The following EYS variants were observed in gnomAD, a reference collection of about 807,000 sequenced individuals.
EYS encodes the protein protein eyes shut homolog.
A neutral mutation model predicts 282.1 loss-of-function variants in EYS; 250 were observed. The ratio of observed to expected loss-of-function variants is 0.89; its 90% CI spans 0.80 to 0.98. The LOEUF is 0.98. Among genes scored for constraint, EYS ranks in the 50% least tolerant of loss-of-function variants. The pLI is 0.00. For synonymous variants in EYS, 1,355 were observed against 1,282.9 expected (o/e 1.06, Z -1.20); for missense variants, 4,016 against 3,709.0 (o/e 1.08, Z -2.15).
At chr6:64,027,348 C>A (rs1769573303) in intron 33 of EYS, among the ~76,000 whole-genome samples, 1 of 152,130 alleles carries the variant, frequency 6.6e-6, no homozygotes, top group Non-Finnish European at 1.5e-5. Flanking sequence ...AATATACTCC[C>A]CTGTCACCTG....
At chr6:64,720,349 C>T (rs535146423) in intron 22 of EYS, among the ~76,000 whole-genome samples, 7 of 152,260 alleles carry the variant, frequency 4.6e-5, no homozygotes, top group African/African-American at 7.2e-5. Context: ...CCAGATTATC[C>T]AGGACAATCT....
chr6:64,735,253 T>G (rs866437696), intron 22 of EYS, among the ~76,000 whole-genome samples: 26 of 152,138 alleles, frequency 1.7e-4, no homozygotes, highest in African/African-American at 6.3e-4. Context: ...CTGGCTAGTT[T>G]TTCGTATTTT....
chr6:65,375,249 G>T (rs1452764684), intron 8 of EYS, among the ~76,000 whole-genome samples: 1 of 152,166 alleles, frequency 6.6e-6, no homozygotes, highest in Non-Finnish European at 1.5e-5. Flanking sequence ...AACAGGGTCT[G>T]CAGTGGACCT....
intron 33 of EYS, among the ~76,000 whole-genome samples, chr6:64,057,816 A>G (rs1046453119): frequency 5.9e-5 from 9 of 152,138 alleles, no homozygotes; most frequent in Non-Finnish European, 1.0e-4. Context: ...AAGTTCAAAG[A>G]CAGCTAATTT....
intron 11 of EYS, among the ~76,000 whole-genome samples, chr6:65,328,029 T>A (rs1161554196): frequency 6.6e-6 from 1 of 151,492 alleles, no homozygotes; most frequent in African/African-American, 2.4e-5. Flanking sequence ...GACATGAAAT[T>A]CAGATCTAGG....
intron 2 of EYS, among the ~76,000 whole-genome samples, chr6:65,526,226 A>T (rs2127302577): frequency 6.6e-6 from 1 of 152,262 alleles, no homozygotes; most frequent in Non-Finnish European, 1.5e-5. Context: ...ATGGCATCAA[A>T]TCTGATTCCC....
intron 16 of EYS, among the ~76,000 whole-genome samples, chr6:64,907,307 C>T (rs891211083): frequency 6.6e-6 from 1 of 152,126 alleles, no homozygotes. Flanking sequence ...GCCTTAGTCT[C>T]CCAAAGTGCT....
Position 64,590,235 on chromosome 6 carries a change from G to A in EYS, c.5632C>T (p.Leu1878=), listed in dbSNP as rs2149830894. Residue 1878 remains leucine (L), a synonymous_variant, in exon 26 of 43, where the codon CTG becomes TTG. Coordinates refer to ENST00000503581, the MANE Select transcript of EYS (RefSeq NM_001142800.2). ...CTGAGAAACTCACCAGAAATCATCA[G>A]CCGTTGAGGTGCCAGAATGGATTCC... ...SLESILAPQR[L]MISDFSCVRY... 2 of 1,542,780 alleles carry A rather than the reference G, an allele frequency of 1.3e-6. No individual in the cohort carries two copies. The highest frequency in any genetic ancestry group is 1.2e-5 in the South Asian group (1 of 82,868).
At chr6:64,207,237 A>G (rs1028146341) in intron 31 of EYS, among the ~76,000 whole-genome samples, 7 of 148,774 alleles carry the variant, frequency 4.7e-5, no homozygotes, top group African/African-American at 1.5e-4. Flanking sequence ...CTGATAATTA[A>G]CCCACTCCCA....
chr6:64,324,277 A>T (rs1456412390), intron 29 of EYS, among the ~76,000 whole-genome samples: 5 of 152,218 alleles, frequency 3.3e-5, no homozygotes, highest in African/African-American at 1.2e-4. Flanking sequence ...CAAAAAGTTA[A>T]TTCACCATGA....
intron 19 of EYS, among the ~76,000 whole-genome samples, chr6:64,838,441 T>C (rs1393591915): frequency 1.3e-5 from 2 of 151,944 alleles, no homozygotes; most frequent in Non-Finnish European, 2.9e-5. Context: ...TTCTTTTGCC[T>C]AGGGATGCTG....
chr6:64,843,112 A>G (rs2022175), intron 19 of EYS, among the ~76,000 whole-genome samples: 124,678 of 152,088 alleles, frequency 0.82, 51,115 homozygotes, highest in East Asian at 0.87. Flanking sequence ...GGGACTTGGT[A>G]CCCTCTGTTC....
At chr6:63,958,865 C>A (rs1765934184) in intron 35 of EYS, among the ~76,000 whole-genome samples, 1 of 152,182 alleles carries the variant, frequency 6.6e-6, no homozygotes, top group African/African-American at 2.4e-5. Context: ...TTGAGATCTA[C>A]TGCTCAGAAA....
chr6:65,394,203 T>C (rs1435343635), intron 7 of EYS, among the ~76,000 whole-genome samples: 1 of 151,930 alleles, frequency 6.6e-6, no homozygotes, highest in Non-Finnish European at 1.5e-5. Flanking sequence ...TTGCATTCAG[T>C]AAAAATTAGT....
At chr6:65,013,687 G>A (rs1771952559) in intron 13 of EYS, among the ~76,000 whole-genome samples, 1 of 152,100 alleles carries the variant, frequency 6.6e-6, no homozygotes, top group Non-Finnish European at 1.5e-5. Flanking sequence ...ACTAGTTTCA[G>A]CAACATAGTG....
chr6:65,502,668 C>A (rs1766498331), intron 2 of EYS, among the ~76,000 whole-genome samples: 1 of 151,526 alleles, frequency 6.6e-6, no homozygotes, highest in Non-Finnish European at 1.5e-5. Flanking sequence ...GTAGTCATAT[C>A]TTCTTAGGCT....
chr6:65,391,093 G>T (rs1766012238), intron 7 of EYS, among the ~76,000 whole-genome samples: 1 of 151,916 alleles, frequency 6.6e-6, no homozygotes. Flanking sequence ...AATTTTATCT[G>T]CACATGTCTG....
At chr6:65,426,277 C>T (rs746896819) in intron 5 of EYS, among the ~76,000 whole-genome samples, 2 of 152,018 alleles carry the variant, frequency 1.3e-5, no homozygotes, top group African/African-American at 2.4e-5. Flanking sequence ...CTACAGATAG[C>T]CAAAATTCTA....
chr6:64,425,654 C>A (rs1389662084), intron 28 of EYS, among the ~76,000 whole-genome samples: 4 of 92,980 alleles, frequency 4.3e-5, no homozygotes, highest in Admixed American at 2.5e-4. Context: ...AACTCCATCC[C>A]AGGAAAAAAA....
Sources: gnomAD v4.1 joint callset for allele counts (sites outside exome capture counted in the v4.1 genomes callset) on GRCh38, gnomAD v4.1.1 for gene constraint, MANE v1.5 for transcripts, NCBI Gene and HGNC (gene_info 2026-07-23, HGNC 2026-07-21) for gene names.